Variants in CNTLN observed in about 807,000 individuals in gnomAD.
The protein encoded by CNTLN is centlein.
In CNTLN, 212 loss-of-function variants were observed where a neutral mutation model predicts 180.0. The observed-to-expected ratio is 1.18, with a 90% CI of 1.05 to 1.32. CNTLN has a LOEUF of 1.32. CNTLN is among the 40% of genes most tolerant of loss of function. The pLI is 0.00. For missense variants in CNTLN, 2,095 were observed against 1,610.9 expected (o/e 1.30, Z -5.14); for synonymous variants, 722 against 563.1 (o/e 1.28, Z -3.99).
chr9:17,253,751 C>G (rs1285940748), intron 5 of CNTLN, among the ~76,000 whole-genome samples: 1 of 133,048 alleles, frequency 7.5e-6, no homozygotes, highest in African/African-American at 3.0e-5. Context: ...AACTGGATGT[C>G]TTTTCTATTG....
intron 6 of CNTLN, among the ~76,000 whole-genome samples, chr9:17,294,359 G>C (rs1435058163): frequency 6.6e-6 from 1 of 151,884 alleles, no homozygotes; most frequent in Non-Finnish European, 1.5e-5. Context: ...AGAGCTGATT[G>C]GTCCATTTTG....
At chr9:17,527,173 G>A in the CNTLN span, among the ~76,000 whole-genome samples, 2 of 151,984 alleles carry the variant, frequency 1.3e-5, no homozygotes, top group Non-Finnish European at 2.9e-5. Flanking sequence ...ATGAGCCACC[G>A]TGCCCGGCCA....
intron 2 of CNTLN, among the ~76,000 whole-genome samples, chr9:17,154,393 C>T (rs1819113327): frequency 6.6e-6 from 1 of 152,230 alleles, no homozygotes; most frequent in African/African-American, 2.4e-5. Context: ...GACAGTCAGG[C>T]CCCTCTTCTG....
chr9:17,299,432 T>C, intron 7 of CNTLN: 1 of 974,238 alleles, frequency 1.0e-6, no homozygotes, highest in Non-Finnish European at 1.2e-6. Flanking sequence ...AATTACTGGA[T>C]TTTTACTTCT....
chr9:17,477,714 C>T (rs1285428100), intron 23 of CNTLN, among the ~76,000 whole-genome samples: 1 of 152,192 alleles, frequency 6.6e-6, no homozygotes, highest in Non-Finnish European at 1.5e-5. Context: ...GAGGAGTTGC[C>T]TCTTAGGGAC....
chr9:17,269,305 T>G (rs1325942788), intron 5 of CNTLN, among the ~76,000 whole-genome samples: 1 of 152,212 alleles, frequency 6.6e-6, no homozygotes, highest in African/African-American at 2.4e-5. Flanking sequence ...CTGCTAACTT[T>G]TGGTTCAATT....
At chr9:17,162,044 A>G (rs181911341) in intron 2 of CNTLN, among the ~76,000 whole-genome samples, 28 of 152,276 alleles carry the variant, frequency 1.8e-4, no homozygotes, top group Admixed American at 1.7e-3. Context: ...AGTAAGGAGA[A>G]TGTGCCAGAA....
At chr9:17,356,423 A>G (rs911410954) in intron 12 of CNTLN, among the ~76,000 whole-genome samples, 3 of 152,216 alleles carry the variant, frequency 2.0e-5, no homozygotes, top group African/African-American at 2.4e-5. Context: ...ACTGAAGCCT[A>G]TGGTCAATTA....
At chr9:17,339,887 C>T (rs1037807339) in intron 10 of CNTLN, among the ~76,000 whole-genome samples, 1 of 152,080 alleles carries the variant, frequency 6.6e-6, no homozygotes, top group African/African-American at 2.4e-5. Flanking sequence ...CACACGGTGG[C>T]TTATGCCTGT....
chr9:17,342,334 C>CAGG lies in CNTLN; in HGVS notation c.1778_1780dup (p.Arg593dup). On this transcript the variant is annotated inframe_insertion, in exon 12 of 26. Coordinates refer to ENST00000380647, the MANE Select transcript of CNTLN (RefSeq NM_017738.4). ...TTTGTTTTAAAAATAGGACTGAAAT[C>CAGG]AGGAAAATAAAGAGAGCAGATCCCC... is the stretch of plus-strand genomic sequence containing the variant. 1 of 1,611,654 alleles carries CAGG rather than the reference C, an allele frequency of 6.2e-7. No homozygotes were observed. The highest frequency in any genetic ancestry group is 8.5e-7 in the Non-Finnish European group (1 of 1,179,030).
At chr9:17,441,534 A>G (rs1037253856) in intron 18 of CNTLN, among the ~76,000 whole-genome samples, 1 of 152,038 alleles carries the variant, frequency 6.6e-6, no homozygotes, top group South Asian at 2.1e-4. Flanking sequence ...GTGATCACGA[A>G]GAAAATACCT....
At chr9:17,493,748 C>G (rs941544028) in intron 25 of CNTLN, among the ~76,000 whole-genome samples, 7 of 152,218 alleles carry the variant, frequency 4.6e-5, no homozygotes, top group African/African-American at 1.7e-4. Context: ...TCTAAGCCAA[C>G]CACTCTTCCA....
chr9:17,504,280 T>A (rs1416680091), downstream of CNTLN, among the ~76,000 whole-genome samples: 1 of 152,070 alleles, frequency 6.6e-6, no homozygotes, highest in Non-Finnish European at 1.5e-5. Flanking sequence ...ATTAAAACAT[T>A]ACCATACTAA....
chr9:17,217,033 G>A (rs991288616), intron 2 of CNTLN, among the ~76,000 whole-genome samples: 1 of 152,168 alleles, frequency 6.6e-6, no homozygotes, highest in African/African-American at 2.4e-5. Flanking sequence ...GTGTTTAATT[G>A]GAACCACTCT....
chr9:17,413,580 A>G (rs574170620), intron 16 of CNTLN, among the ~76,000 whole-genome samples: 74 of 152,304 alleles, frequency 4.9e-4, no homozygotes, highest in African/African-American at 1.6e-3. Context: ...AAATTAAACA[A>G]TCCAGTTACA....
chr9:17,311,842 A>G (rs75006745), intron 8 of CNTLN, among the ~76,000 whole-genome samples: 2,461 of 152,204 alleles, frequency 0.016, 71 homozygotes, highest in African/African-American at 0.057. Context: ...TGACAAATCA[A>G]TTCTGAAATT....
intron 12 of CNTLN, among the ~76,000 whole-genome samples, chr9:17,359,736 A>AC (rs1554699479): frequency 2.4e-4 from 27 of 112,526 alleles, no homozygotes; most frequent in African/African-American, 8.9e-4. Context: ...AAAAAAAAAA[A>AC]AAAAAAAAAA....
At chr9:17,236,926 A>C (rs574612391) in intron 5 of CNTLN, among the ~76,000 whole-genome samples, 77 of 152,304 alleles carry the variant, frequency 5.1e-4, no homozygotes, top group Middle Eastern at 6.8e-3. Flanking sequence ...AATTTGTTGC[A>C]GTATAGTTTT....
At chr9:17,256,917 T>A (rs995000751) in intron 5 of CNTLN, among the ~76,000 whole-genome samples, 12 of 151,892 alleles carry the variant, frequency 7.9e-5, no homozygotes, top group Non-Finnish European at 1.3e-4. Context: ...GTTTGGTTTG[T>A]TGGGCCTAGT....
Sources: allele counts gnomAD v4.1 joint callset (sites outside exome capture counted in the v4.1 genomes callset), GRCh38; gene constraint gnomAD v4.1.1; transcripts MANE v1.5; gene names NCBI Gene and HGNC (gene_info 2026-07-23, HGNC 2026-07-21).